The following SNX31 variants were observed in gnomAD, a reference collection of about 807,000 sequenced individuals.
SNX31 encodes sorting nexin 31, also known as sorting nexin-31.
SNX31 carries 58 observed loss-of-function variants against 65.4 expected under a neutral mutation model. The ratio of observed to expected loss-of-function variants is 0.89; its 90% CI spans 0.72 to 1.10. The LOEUF (loss-of-function observed/expected upper bound fraction) is 1.10. SNX31 is among the 50% of genes least tolerant of loss of function. SNX31 has a pLI of 0.00. For synonymous variants in SNX31, 181 were observed against 190.1 expected (o/e 0.95, Z 0.39); for missense variants, 523 against 529.7 (o/e 0.99, Z 0.12).
At chr8:100,639,164 A>C (rs1344511089) in intron 2 of SNX31, among the ~76,000 whole-genome samples, 1 of 152,192 alleles carries the variant, frequency 6.6e-6, no homozygotes, top group Non-Finnish European at 1.5e-5. Context: ...TTACAACAGA[A>C]CTTGATGTTT....
rs1025408857 is a variant in SNX31 at position 100,604,951 on chromosome 8, T to C, written c.681+3543A>G. Among the ~76,000 whole-genome samples, 2 of 151,476 alleles carry C rather than the reference T, an allele frequency of 1.3e-5. No individual in the cohort carries two copies. The highest frequency in any genetic ancestry group is 2.9e-5 in the Non-Finnish European group (2 of 67,938). On this transcript the variant is annotated intron_variant, in intron 8 of 13. Coordinates refer to ENST00000311812, the MANE Select transcript of SNX31 (RefSeq NM_152628.4). This position sits in a 1 kb window ranked among gnomAD's most constrained non-coding sequence, Gnocchi z 4.3. ...TCTCGTGCTGTCACCCAAGCAGGAG[T>C]ACAGTGACATATTCTTGGCTCCCTG...
chr8:100,657,925 A>C (rs1221331369), intron 1 of SNX31: 1 of 360,158 alleles, frequency 2.8e-6, no homozygotes, highest in African/African-American at 2.1e-5. Context: ...ACAACAAACA[A>C]CTAAAAAAAT....
rs990075927 is a variant in SNX31 at position 100,575,506 on chromosome 8, A to T, written c.1227+1513T>A. 6.6e-6 allele frequency among the ~76,000 whole-genome samples: 1 copy of T among 152,146 alleles called. No individual in the cohort carries two copies. The highest frequency in any genetic ancestry group is 2.4e-5 in the African/African-American group (1 of 41,432). The stretch of plus-strand genomic sequence containing the variant: ...TAGGTTGGCCTGTATTAGAGTTACC[A>T]CTCATCCGAGAGGACAACTGAACTG... On this transcript the variant is annotated intron_variant, in intron 13 of 13. Coordinates refer to ENST00000311812, the MANE Select transcript of SNX31 (RefSeq NM_152628.4). The surrounding 1 kb of genome is among the most constrained non-coding windows in gnomAD (Gnocchi z 5.1).
chr8:100,593,078 G>T (rs1814733610), intron 10 of SNX31, among the ~76,000 whole-genome samples: 1 of 152,130 alleles, frequency 6.6e-6, no homozygotes, highest in South Asian at 2.1e-4. Flanking sequence ...TTTTTCAGGT[G>T]ATAAAGTGTT....
At chr8:100,595,293 C>T (rs976214871) in intron 10 of SNX31, among the ~76,000 whole-genome samples, 8 of 149,552 alleles carry the variant, frequency 5.3e-5, no homozygotes, top group Non-Finnish European at 1.0e-4. Flanking sequence ...GCTGTGAGTG[C>T]GGAGATAGAG....
rs1288203803 is a variant in SNX31, at chr8:100,612,925, C to T, written c.523+70G>A. 2 of 1,350,238 alleles carry T rather than the reference C, an allele frequency of 1.5e-6. No individual in the cohort carries two copies. The highest frequency in any genetic ancestry group is 1.7e-5 in the Admixed American group (1 of 59,504). The allele number at this position is 1,350,238 out of a possible 1,614,324, so 83.6% of individuals were successfully genotyped here. ...TGGGTGGCCAGCCCCTCAGCTGTGA[C>T]TCCTATGAGCCCCTGCTCACACCTG... is the stretch of plus-strand genomic sequence containing the variant. On this transcript the variant is annotated intron_variant, in intron 6 of 13. Transcript: ENST00000311812. This position sits in a 1 kb window ranked among gnomAD's most constrained non-coding sequence, Gnocchi z 4.3.
chr8:100,584,468 T>C (rs956626915), intron 11 of SNX31, among the ~76,000 whole-genome samples: 1 of 152,212 alleles, frequency 6.6e-6, no homozygotes, highest in South Asian at 2.1e-4. Context: ...ACTCACCCCC[T>C]TGCATCCCAT....
chr8:100,591,854 C>A (rs1814618169), intron 10 of SNX31, among the ~76,000 whole-genome samples: 1 of 152,032 alleles, frequency 6.6e-6, no homozygotes, highest in South Asian at 2.1e-4. Context: ...AAAATAAAAC[C>A]AATCCTAAGT....
intron 2 of SNX31, among the ~76,000 whole-genome samples, chr8:100,643,513 T>A (rs1432184217): frequency 1.3e-5 from 2 of 152,208 alleles, no homozygotes; most frequent in African/African-American, 4.8e-5. Context: ...GTCTGGGTGG[T>A]GGCATCTAGC....
intron 1 of SNX31, chr8:100,662,999 T>C (rs940113872): frequency 6.6e-6 from 1 of 152,220 alleles, no homozygotes; most frequent in Non-Finnish European, 1.5e-5. Flanking sequence ...GCCGTTATCC[T>C]AAGCAAATTA....
At chr8:100,635,294 C>T (rs917157604) in intron 3 of SNX31, among the ~76,000 whole-genome samples, 5 of 150,258 alleles carry the variant, frequency 3.3e-5, no homozygotes, top group Non-Finnish European at 5.9e-5. Context: ...GGCTGGAGTA[C>T]GGTGGTGCAA....
chr8:100,628,182 C>T (rs557655342), intron 4 of SNX31, among the ~76,000 whole-genome samples: 2 of 152,100 alleles, frequency 1.3e-5, no homozygotes, highest in African/African-American at 4.8e-5. Context: ...GTCAGTGTGG[C>T]GATTCCTCAG....
intron 8 of SNX31, among the ~76,000 whole-genome samples, chr8:100,606,539 C>T (rs1169304424): frequency 6.6e-6 from 1 of 152,182 alleles, no homozygotes; most frequent in Non-Finnish European, 1.5e-5. Flanking sequence ...CTTCTACGCC[C>T]TCTGGTAAGC....
At chr8:100,631,985 A>C (rs1325340090) in intron 3 of SNX31, among the ~76,000 whole-genome samples, 2 of 152,224 alleles carry the variant, frequency 1.3e-5, no homozygotes, top group Admixed American at 6.5e-5. Context: ...TCTAATCTTC[A>C]TGACAAACTC....
chr8:100,627,510 C>T (rs546659778), intron 4 of SNX31, among the ~76,000 whole-genome samples: 68 of 152,282 alleles, frequency 4.5e-4, no homozygotes, highest in African/African-American at 1.6e-3. Context: ...GAATGATCTG[C>T]AAGACATAGG....
intron 4 of SNX31, among the ~76,000 whole-genome samples, chr8:100,620,501 T>G (rs1817605249): frequency 6.6e-6 from 1 of 152,240 alleles, no homozygotes; most frequent in African/African-American, 2.4e-5. Flanking sequence ...TCTATGATTC[T>G]GAATCTAAGT....
chr8:100,642,859 GT>G (rs1269440990), intron 2 of SNX31, among the ~76,000 whole-genome samples: 1 of 151,930 alleles, frequency 6.6e-6, no homozygotes, highest in Admixed American at 6.6e-5. Context: ...AGTATTGTGG[GT>G]TTTTTTTAAG....
At chr8:100,644,092 A>C (rs1204993241) in intron 2 of SNX31, among the ~76,000 whole-genome samples, 1 of 152,152 alleles carries the variant, frequency 6.6e-6, no homozygotes, top group Non-Finnish European at 1.5e-5. Context: ...GCCTGATAGG[A>C]ACAGGAGGTA....
chr8:100,624,738 G>A (rs989151652), intron 4 of SNX31, among the ~76,000 whole-genome samples: 1 of 151,902 alleles, frequency 6.6e-6, no homozygotes, highest in Admixed American at 6.6e-5. Context: ...AACCAGCTGG[G>A]GGGAAAAGTC....
Sources: gnomAD v4.1 joint callset for allele counts (sites outside exome capture counted in the v4.1 genomes callset) on GRCh38, gnomAD v4.1.1 for gene constraint, Gnocchi (gnomAD v3.1) non-coding constraint, MANE v1.5 for transcripts, NCBI Gene and HGNC (gene_info 2026-07-23, HGNC 2026-07-21) for gene names.